Variants in CACNA2D3 observed in about 807,000 individuals in gnomAD.
The protein encoded by CACNA2D3 is calcium voltage-gated channel auxiliary subunit alpha2delta 3, also known as voltage-dependent calcium channel subunit alpha-2/delta-3.
Under a neutral mutation model 160.6 loss-of-function variants are expected in CACNA2D3, and 60 were observed. The ratio of observed to expected loss-of-function variants is 0.37; its 90% CI spans 0.30 to 0.46. The LOEUF (loss-of-function observed/expected upper bound fraction) is 0.46, where lower values mean the gene tolerates loss of function less well. Among genes scored for constraint, CACNA2D3 ranks in the 20% least tolerant of loss-of-function variants. CACNA2D3 has a pLI of 1.00. For synonymous variants in CACNA2D3, 558 were observed against 492.9 expected (o/e 1.13, Z -1.75); for missense variants, 1,205 against 1,365.0 (o/e 0.88, Z 1.85).
At chr3:54,841,144 A>C (rs889072194) in intron 16 of CACNA2D3, among the ~76,000 whole-genome samples, 1 of 152,242 alleles carries the variant, frequency 6.6e-6, no homozygotes, top group Admixed American at 6.5e-5. Flanking sequence ...ACATTTATTG[A>C]ACTTCTTACT....
intron 9 of CACNA2D3, among the ~76,000 whole-genome samples, chr3:54,582,935 G>A (rs1266587154): frequency 6.6e-6 from 1 of 152,202 alleles, no homozygotes; most frequent in East Asian, 1.9e-4. Context: ...TCAGTTTGAG[G>A]GGAAAGAAGC....
At chr3:54,588,342 A>C (rs1007751107) in intron 9 of CACNA2D3, among the ~76,000 whole-genome samples, 1 of 152,246 alleles carries the variant, frequency 6.6e-6, no homozygotes, top group African/African-American at 2.4e-5. Context: ...GACCATCTAC[A>C]GAAACCTACA....
At position 54,857,841 on chromosome 3, in the gene CACNA2D3, G is replaced by T. The variant is rs199791327; in HGVS notation, c.1626+11374G>T. 1.2e-3 allele frequency among the ~76,000 whole-genome samples: 185 copies of T among 152,136 alleles called. 1 individual carries two copies. Among genetic ancestry groups the T allele is most frequent in the Admixed American group, 2.4e-3 (37 of 15,280 alleles). On this transcript the variant is annotated intron_variant, in intron 17 of 37. Coordinates refer to ENST00000474759, the MANE Select transcript of CACNA2D3 (RefSeq NM_018398.3). Reference sequence around the variant, plus strand: ...GAGCATGCTTCCCATTCCATTTCAGGCCCCTGAGCATGTATTCCTAACACA... The same window carrying T: ...GAGCATGCTTCCCATTCCATTTCAGTCCCCTGAGCATGTATTCCTAACACA...
chr3:54,966,109 A>T (rs561862545), intron 27 of CACNA2D3, among the ~76,000 whole-genome samples: 2 of 152,016 alleles, frequency 1.3e-5, no homozygotes, highest in African/African-American at 4.8e-5. Flanking sequence ...GGAGGTGAAG[A>T]TGAGGGCTCC....
chr3:54,538,404 C>A (rs142991016), intron 5 of CACNA2D3, among the ~76,000 whole-genome samples: 1 of 152,274 alleles, frequency 6.6e-6, no homozygotes, highest in Non-Finnish European at 1.5e-5. Flanking sequence ...CCTCCTCCAG[C>A]GTCCCTTGGG....
At chr3:54,416,633 C>T (rs546942365) in intron 4 of CACNA2D3, among the ~76,000 whole-genome samples, 6 of 152,116 alleles carry the variant, frequency 3.9e-5, no homozygotes, top group African/African-American at 1.4e-4. Context: ...TCAATTATTG[C>T]CGTAAAATTC....
intron 9 of CACNA2D3, among the ~76,000 whole-genome samples, chr3:54,611,796 T>C (rs1289621534): frequency 2.0e-5 from 3 of 151,444 alleles, no homozygotes; most frequent in Non-Finnish European, 4.4e-5. Context: ...GAGAGAAGAG[T>C]GAAAAAAAAA....
At chr3:54,552,579 G>A (rs184505353) in intron 5 of CACNA2D3, among the ~76,000 whole-genome samples, 210 of 152,246 alleles carry the variant, frequency 1.4e-3, no homozygotes, top group Admixed American at 3.4e-3. Context: ...AAGCTTTGGG[G>A]ATAGATTTCC....
intron 9 of CACNA2D3, among the ~76,000 whole-genome samples, chr3:54,595,348 G>T (rs1702935776): frequency 6.6e-6 from 1 of 151,902 alleles, no homozygotes; most frequent in Non-Finnish European, 1.5e-5. Context: ...GTGTGTGTGT[G>T]TGTGTGTATG....
intron 4 of CACNA2D3, among the ~76,000 whole-genome samples, chr3:54,436,680 C>T (rs185131350): frequency 2.4e-4 from 37 of 152,264 alleles, no homozygotes; most frequent in African/African-American, 8.7e-4. Flanking sequence ...AACACAAGAA[C>T]AGAAAACCAA....
At chr3:54,466,217 T>A (rs1030516515) in intron 4 of CACNA2D3, among the ~76,000 whole-genome samples, 1 of 152,232 alleles carries the variant, frequency 6.6e-6, no homozygotes, top group Non-Finnish European at 1.5e-5. Flanking sequence ...GGGATAGGAA[T>A]CTTGGATGGG....
At chr3:54,235,376 C>A (rs1431512971) in intron 2 of CACNA2D3, among the ~76,000 whole-genome samples, 5 of 152,106 alleles carry the variant, frequency 3.3e-5, no homozygotes, top group African/African-American at 4.8e-5. Flanking sequence ...TCTGGGGAGG[C>A]CTCGGGAAAC....
chr3:54,833,922 G>A (rs1703931982), intron 14 of CACNA2D3, among the ~76,000 whole-genome samples: 1 of 152,138 alleles, frequency 6.6e-6, no homozygotes, highest in Non-Finnish European at 1.5e-5. Context: ...CCCTAGGAGA[G>A]GTCCATGAGA....
intron 13 of CACNA2D3, among the ~76,000 whole-genome samples, chr3:54,810,208 G>GT (rs563460042): frequency 1.2e-3 from 183 of 152,316 alleles, no homozygotes; most frequent in Non-Finnish European, 1.7e-3. Context: ...AGGCTGCCAA[G>GT]TACCAGGCTT....
chr3:54,260,323 C>T (rs979628268), intron 2 of CACNA2D3, among the ~76,000 whole-genome samples: 9 of 152,060 alleles, frequency 5.9e-5, no homozygotes, highest in African/African-American at 2.2e-4. Context: ...TGAGACCGGG[C>T]AATTTATAAA....
chr3:54,602,557 TA>T lies in CACNA2D3; in HGVS notation c.963+20683del, dbSNP rs1160340308. Among the ~76,000 whole-genome samples the T allele has an allele frequency of 4.0e-5, 6 of 149,160 alleles. No individual in the cohort carries two copies. In the South Asian group the frequency reaches 8.5e-4, roughly 21 times the overall value. On this transcript the variant is annotated intron_variant, in intron 9 of 37. Coordinates refer to ENST00000474759, the MANE Select transcript of CACNA2D3 (RefSeq NM_018398.3). ...AAAAAAGAGAGCAGCAGCAGAGCAT[TA>T]AACCAAGGGCAGAGGCCGTCTGAGC... is the stretch of plus-strand genomic sequence containing the variant.
chr3:54,183,452 C>A (rs1700819898), intron 2 of CACNA2D3, among the ~76,000 whole-genome samples: 1 of 151,926 alleles, frequency 6.6e-6, no homozygotes, highest in African/African-American at 2.4e-5. Context: ...AGATCTGCAT[C>A]CTGGCCCATA....
At chr3:54,464,867 C>T (rs1041312956) in intron 4 of CACNA2D3, among the ~76,000 whole-genome samples, 9 of 152,220 alleles carry the variant, frequency 5.9e-5, no homozygotes, top group African/African-American at 1.2e-4. Flanking sequence ...TCTTCTGCGT[C>T]GCTTACGCTG....
chr3:54,850,988 A>G (rs1205453930), intron 17 of CACNA2D3, among the ~76,000 whole-genome samples: 1 of 152,272 alleles, frequency 6.6e-6, no homozygotes, highest in African/African-American at 2.4e-5. Context: ...CAAGCTGCTC[A>G]GAGAGGTCAC....
Sources: allele counts gnomAD v4.1 joint callset (sites outside exome capture counted in the v4.1 genomes callset), GRCh38; gene constraint gnomAD v4.1.1; transcripts MANE v1.5; gene names NCBI Gene and HGNC (gene_info 2026-07-23, HGNC 2026-07-21).